The following PTCHD1 variants were observed in gnomAD, a reference collection of about 807,000 sequenced individuals.
PTCHD1 encodes patched domain containing 1, also known as patched domain-containing protein 1.
In PTCHD1, 3 loss-of-function variants were observed where a neutral mutation model predicts 34.6. That is an observed-to-expected ratio of 0.09 (90% CI 0.04 to 0.22). The LOEUF is 0.22. PTCHD1 is among the 10% of genes least tolerant of loss of function. PTCHD1 has a pLI of 1.00. For synonymous variants in PTCHD1, 305 were observed against 283.1 expected (o/e 1.08, Z -0.77); for missense variants, 504 against 685.5 (o/e 0.74, Z 2.96).
intron 2 of PTCHD1, among the ~76,000 whole-genome samples, chrX:23,385,976 T>C (rs942849587): frequency 4.5e-5 from 5 of 111,260 alleles, no homozygotes; most frequent in Non-Finnish European, 7.5e-5. Flanking sequence ...ACATATATTA[T>C]GTAATATATA....
intron 1 of PTCHD1, among the ~76,000 whole-genome samples, chrX:23,362,518 C>G (rs1922015788): frequency 8.9e-6 from 1 of 112,064 alleles, no homozygotes; most frequent in Admixed American, 9.4e-5. Flanking sequence ...TTCTAGTTAA[C>G]CATTCATCTA....
chrX:23,345,250 C>G (rs371886671), intron 1 of PTCHD1, among the ~76,000 whole-genome samples: 2 of 112,113 alleles, frequency 1.8e-5, no homozygotes, highest in South Asian at 7.5e-4. Context: ...TCTCTTCAAA[C>G]AAAATTAACC....
rs745685070 is a variant in PTCHD1 at position 23,361,327 on chromosome X, G to A, written c.352-18264G>A. On this transcript the variant is annotated intron_variant, in intron 1 of 2. Transcript: ENST00000379361. ...CTAAGCACTTGCCTTATGAATCTGC[G>A]TGCTCCTGTATTGGGTGCATATATA... Among the ~76,000 whole-genome samples the A allele has an allele frequency of 2.9e-4, 33 of 111,983 alleles. No homozygotes were observed. In the South Asian group the frequency reaches 4.9e-3, roughly 17 times the overall value.
chrX:23,380,053 C>T lies in PTCHD1; in HGVS notation c.814C>T (p.Leu272=). The T allele has an allele frequency of 8.3e-7, 1 of 1,211,925 alleles. No individual in the cohort carries two copies. Among genetic ancestry groups the T allele is most frequent in the Non-Finnish European group, 1.1e-6 (1 of 895,392 alleles). The change falls in exon 2 of 3, where the codon CTG becomes TTG. Residue 272 remains leucine (L), a synonymous_variant. Transcript: ENST00000379361. ...QKTSRVSERY[L]VTSLILVVTM... Reference sequence around the variant, plus strand: ...GACCAGCCGCGTATCAGAACGTTACCTGGTCACCAGCCTGATTCTGGTGGT... The same window carrying T: ...GACCAGCCGCGTATCAGAACGTTACTTGGTCACCAGCCTGATTCTGGTGGT...
At chrX:23,349,738 T>A (rs1177968796) in intron 1 of PTCHD1, among the ~76,000 whole-genome samples, 1 of 111,454 alleles carries the variant, frequency 9.0e-6, no homozygotes, top group Non-Finnish European at 1.9e-5. Context: ...TCAACATTCC[T>A]CTGTCAGTAA....
At position 23,398,624 on chromosome X, in the gene PTCHD1, A is replaced by C. The variant is rs1461112463; in HGVS notation, c.*4439A>C. ...TTCCCGTTTTTTAAAAGAATAGTAA[A>C]TCTGCAATACAAAGAAAAATATTAA... On this transcript the variant is annotated 3_prime_UTR_variant, in exon 3 of 3. Coordinates refer to ENST00000379361, the MANE Select transcript of PTCHD1 (RefSeq NM_173495.3). 2 of 111,892 alleles carry C rather than the reference A, an allele frequency of 1.8e-5. No homozygotes were observed. Among genetic ancestry groups the C allele is most frequent in the African/African-American group, 3.3e-5 (1 of 30,759 alleles). The allele number at this position is 111,892 out of a possible 1,213,427, so 9.2% of individuals were successfully genotyped here. A position where few individuals can be genotyped will look rare whatever the true frequency, so the allele number is the denominator to read the frequency against.
chrX:23,390,336 A>AC (rs1922796683), intron 2 of PTCHD1, among the ~76,000 whole-genome samples: 1 of 109,858 alleles, frequency 9.1e-6, no homozygotes, highest in African/African-American at 3.3e-5. Flanking sequence ...CAGGAAAAAA[A>AC]AAAAAAAAAC....
chrX:23,383,952 G>C (rs1922625427), intron 2 of PTCHD1, among the ~76,000 whole-genome samples: 1 of 112,337 alleles, frequency 8.9e-6, no homozygotes, highest in African/African-American at 3.2e-5. Context: ...AAAGGATGAA[G>C]ATTTACACCA....
At chrX:23,343,543 G>C (rs956276318) in intron 1 of PTCHD1, among the ~76,000 whole-genome samples, 2 of 112,375 alleles carry the variant, frequency 1.8e-5, no homozygotes, top group South Asian at 7.4e-4. Context: ...TCAAGGACAA[G>C]TGGTTTTCCT....
rs1428321995 is a variant in PTCHD1 at position 23,335,169 on chromosome X, C to T, written c.294C>T (p.Val98=). 2.5e-6 allele frequency: 3 copies of T among 1,210,651 alleles called. No individual in the cohort carries two copies. In the African/African-American group the frequency reaches 5.2e-5, roughly 21 times the overall value. Residue 98 remains valine, a synonymous_variant, in exon 1 of 3, where the codon GTC becomes GTT. Transcript: ENST00000379361. ...QTPGRYGRVI[V]TSFQKANMLD... is the part of the protein sequence containing the mutation. ...CCGGGCGCTACGGCCGGGTCATCGT[C>T]ACCTCCTTCCAGAAAGCCAACATGC...
At chrX:23,363,061 C>G (rs1372493773) in intron 1 of PTCHD1, among the ~76,000 whole-genome samples, 1 of 112,140 alleles carries the variant, frequency 8.9e-6, no homozygotes, top group Admixed American at 9.4e-5. Context: ...AGGTGTCAGT[C>G]AGCCCCCACT....
chrX:23,377,339 CTT>C (rs1310841498), intron 1 of PTCHD1, among the ~76,000 whole-genome samples: 2 of 112,353 alleles, frequency 1.8e-5, no homozygotes, highest in Middle Eastern at 4.2e-3. Context: ...AAAACTCTCT[CTT>C]GTCTTTAAAT....
At chrX:23,341,055 T>C (rs7878766) in intron 1 of PTCHD1, among the ~76,000 whole-genome samples, 17,790 of 111,878 alleles carry the variant, frequency 0.16, 1,245 homozygotes, top group South Asian at 0.36. Context: ...TTGCGATTAG[T>C]ATGTAAAATG....
Position 23,392,706 on chromosome X carries a change from T to G in PTCHD1, c.1188T>G (p.Ile396Met). 10 of 1,212,151 alleles carry G rather than the reference T, an allele frequency of 8.2e-6. No individual in the cohort carries two copies. Among genetic ancestry groups the G allele is most frequent in the Non-Finnish European group, 1.1e-5 (10 of 895,561 alleles). The change falls in exon 3 of 3, where the codon ATT (isoleucine) becomes ATG (methionine). Residue 396 changes from isoleucine to methionine, a missense_variant. Physicochemically the swap from Ile to Met is conservative, Grantham distance 10. Transcript: ENST00000379361. ...TAGGGGCCAGCCCTTTCACGAACAT[T>G]GAGGCAGCCAGGATTTTCTGCTGCA... Reference protein sequence around the residue: ...FGIGASPFTNIEAARIFCCNS... With the variant: ...FGIGASPFTNMEAARIFCCNS...
rs1162935568 is a variant in PTCHD1 at position 23,380,179 on chromosome X, G to A, written c.940G>A (p.Ala314Thr). 1.7e-6 allele frequency: 2 copies of A among 1,211,076 alleles called. No individual in the cohort carries two copies. Among genetic ancestry groups the A allele is most frequent in the African/African-American group, 1.7e-5 (1 of 57,760 alleles). ...LVTISLATLT[A>T]AGIINLTGGK... ...GACCATAAGCCTGGCCACTCTCACTGCAGCCGGGATCATCAATCTTACTGG... is the reference window on the plus strand; with the variant it reads ...GACCATAAGCCTGGCCACTCTCACTACAGCCGGGATCATCAATCTTACTGG... The change falls in exon 2 of 3, where the codon GCA (alanine) becomes ACA (threonine). Residue 314 changes from alanine to threonine, a missense_variant. By Grantham distance (58) the Ala-to-Thr change is moderately conservative (BLOSUM62 0). Coordinates refer to ENST00000379361, the MANE Select transcript of PTCHD1 (RefSeq NM_173495.3).
At chrX:23,389,500 A>T (rs1418644331) in intron 2 of PTCHD1, among the ~76,000 whole-genome samples, 4 of 112,086 alleles carry the variant, frequency 3.6e-5, no homozygotes, top group Non-Finnish European at 7.5e-5. Context: ...GGGCTCTTGT[A>T]AGATGCTGTA....
intron 1 of PTCHD1, among the ~76,000 whole-genome samples, chrX:23,376,275 G>C (rs971210911): frequency 9.8e-5 from 11 of 112,243 alleles, no homozygotes; most frequent in African/African-American, 3.6e-4. Context: ...CCACATTAAG[G>C]GTCAGGACAA....
At chrX:23,383,595 C>T (rs1466968272) in intron 2 of PTCHD1, among the ~76,000 whole-genome samples, 1 of 111,471 alleles carries the variant, frequency 9.0e-6, no homozygotes, top group Non-Finnish European at 1.9e-5. Context: ...ATATCCTACA[C>T]AGATGAATCA....
At chrX:23,389,798 A>C (rs1327240039) in intron 2 of PTCHD1, among the ~76,000 whole-genome samples, 1 of 111,780 alleles carries the variant, frequency 8.9e-6, no homozygotes, top group East Asian at 2.8e-4. Flanking sequence ...GCTGCCCCCA[A>C]ACCAAGAACA....
Sources: allele counts gnomAD v4.1 joint callset (sites outside exome capture counted in the v4.1 genomes callset), GRCh38; gene constraint gnomAD v4.1.1; transcripts MANE v1.5; gene names NCBI Gene and HGNC (gene_info 2026-07-23, HGNC 2026-07-21).